Variants in ANKRD36C observed in about 807,000 individuals in gnomAD.
The protein encoded by ANKRD36C is ankyrin repeat domain-containing protein 36C.
Under a neutral mutation model 276.4 loss-of-function variants are expected in ANKRD36C, and 61 were observed. The ratio of observed to expected loss-of-function variants is 0.22; its 90% CI spans 0.18 to 0.27. The LOEUF (loss-of-function observed/expected upper bound fraction) is 0.27, where lower values mean the gene tolerates loss of function less well. Among genes scored for constraint, ANKRD36C ranks in the 10% least tolerant of loss-of-function variants. ANKRD36C has a pLI of 1.00. For synonymous variants in ANKRD36C, 483 were observed against 680.1 expected, an observed-to-expected ratio of 0.71 and a Z score of 4.51; for missense variants, 1,447 against 2,032.3, an observed-to-expected ratio of 0.71 and a Z score of 5.54.
chr2:95,925,139 A>G (rs1677369043), intron 30 of ANKRD36C, among the ~76,000 whole-genome samples: 1 of 151,494 alleles, frequency 6.6e-6, no homozygotes, highest in South Asian at 2.1e-4. Context: ...TTCCATCCAA[A>G]TTCAATGTAG....
intron 24 of ANKRD36C, among the ~76,000 whole-genome samples, chr2:95,932,677 A>G (rs1484624913): frequency 6.6e-6 from 1 of 152,216 alleles, no homozygotes; most frequent in African/African-American, 2.4e-5. Context: ...GGCTGTGTCT[A>G]CCAAAGAGTC....
At chr2:95,944,680 C>T (rs1343193052) in exon 19 of ANKRD36C, 1 of 1,537,042 alleles carries the variant, frequency 6.5e-7, no homozygotes, top group Admixed American at 2.0e-5. Context: ...TTGTCAATGC[C>T]ACATGCAGCA....
chr2:95,937,675 C>CGCATCAAAGAA (rs1351975646), intron 22 of ANKRD36C, among the ~76,000 whole-genome samples: 1 of 152,270 alleles, frequency 6.6e-6, no homozygotes, highest in African/African-American at 2.4e-5. Context: ...TTGGCCATTT[C>CGCATCAAAGAA]TTCTTTCCAA....
intron 47 of ANKRD36C, 46 bp from the exon 68 acceptor site, chr2:95,889,917 C>A: frequency 6.2e-7 from 1 of 1,608,716 alleles, no homozygotes; most frequent in South Asian, 1.1e-5. Flanking sequence ...AAGTATGTTT[C>A]ATAGACTATA....
chr2:95,913,638 C>G (rs1270985667), intron 40 of ANKRD36C, among the ~76,000 whole-genome samples: 1 of 151,444 alleles, frequency 6.6e-6, no homozygotes, highest in Non-Finnish European at 1.5e-5. Flanking sequence ...TCTTTTCACA[C>G]CTTCCTGCCT....
chr2:95,855,359 G>C (rs115953176), exon 63 of ANKRD36C: 1 of 1,612,888 alleles, frequency 6.2e-7, no homozygotes, highest in Non-Finnish European at 8.5e-7. Context: ...CTTCTAGTAA[G>C]AGACGGTGCT....
chr2:95,862,898 G>A (rs1476537766), intron 60 of ANKRD36C, among the ~76,000 whole-genome samples: 2 of 151,836 alleles, frequency 1.3e-5, no homozygotes, highest in Admixed American at 6.6e-5. Context: ...GAACTAGGAC[G>A]TGTTCCCTAA....
At chr2:95,967,637 G>A (rs1435306952) in intron 6 of ANKRD36C, among the ~76,000 whole-genome samples, 1 of 151,968 alleles carries the variant, frequency 6.6e-6, no homozygotes, top group East Asian at 1.9e-4. Flanking sequence ...CACATTACTG[G>A]GCATATACTC....
intron 44 of ANKRD36C, among the ~76,000 whole-genome samples, chr2:95,894,024 T>C (rs1336867899): frequency 1.3e-5 from 2 of 151,456 alleles, no homozygotes; most frequent in African/African-American, 2.4e-5. Context: ...ACAAATGTGA[T>C]CTAAAATCAG....
intron 1 of ANKRD36C, among the ~76,000 whole-genome samples, chr2:95,988,858 A>G (rs548697495): frequency 6.6e-6 from 1 of 152,210 alleles, no homozygotes; most frequent in South Asian, 2.1e-4. Flanking sequence ...TTCACAGAAT[A>G]TACCAATAAA....
chr2:95,944,724 G>A (rs1026346479), intron 18 of ANKRD36C, 30 bp from the exon 19 acceptor site: 1 of 1,532,934 alleles, frequency 6.5e-7, no homozygotes, highest in African/African-American at 1.4e-5. Flanking sequence ...AAGAGTAGAT[G>A]AAATGCATGT....
chr2:95,858,603 T>C (rs1383035234), intron 61 of ANKRD36C, among the ~76,000 whole-genome samples: 1 of 152,208 alleles, frequency 6.6e-6, no homozygotes, highest in Non-Finnish European at 1.5e-5. Flanking sequence ...TTACTTTTTA[T>C]AAACAAGTTG....
At chr2:95,860,925 C>T (rs1450899446) in intron 60 of ANKRD36C, among the ~76,000 whole-genome samples, 2 of 151,892 alleles carry the variant, frequency 1.3e-5, no homozygotes, top group Non-Finnish European at 2.9e-5. Flanking sequence ...AGGAAACTTC[C>T]TAAGAACAAT....
chr2:95,937,604 T>C (rs941327444), intron 22 of ANKRD36C, among the ~76,000 whole-genome samples: 1 of 147,802 alleles, frequency 6.8e-6, no homozygotes, highest in Admixed American at 6.6e-5. Flanking sequence ...TCCTAAACTG[T>C]GATTTGATCA....
At chr2:95,850,844 T>G (rs1450402565), downstream of ANKRD36C, among the ~76,000 whole-genome samples, 2 of 152,192 alleles carry the variant, frequency 1.3e-5, no homozygotes, top group Non-Finnish European at 2.9e-5. Context: ...TGACGATGCC[T>G]TTGTTTTGTG....
At chr2:95,873,150 C>G (rs572541688) in intron 59 of ANKRD36C, among the ~76,000 whole-genome samples, 1 of 152,154 alleles carries the variant, frequency 6.6e-6, no homozygotes, top group African/African-American at 2.4e-5. Flanking sequence ...AGAGGGAACC[C>G]TCCCTAACTC....
exon 30 of ANKRD36C, chr2:95,925,391 T>C (rs1677376044): frequency 6.4e-7 from 1 of 1,572,768 alleles, no homozygotes; most frequent in African/African-American, 1.4e-5. Context: ...CTTGTGGCAA[T>C]ATTCAAAAGA....
chr2:95,908,594 C>T lies in ANKRD36C; in HGVS notation c.2653+3650G>A, dbSNP rs71238343. ...TGTAGCCTGAATGGAATTTGAAATG[C>T]AATAATAAATTAATAAAGTATGTTT... On this transcript the variant is annotated intron_variant, in intron 42 of 66. Transcript: ENST00000456556. 2.6e-6 allele frequency: 4 copies of T among 1,561,132 alleles called. No individual in the cohort carries two copies. The highest frequency in any genetic ancestry group is 2.6e-6 in the Non-Finnish European group (3 of 1,149,084).
At chr2:95,885,248 A>C (rs1173722628) in intron 52 of ANKRD36C, among the ~76,000 whole-genome samples, 3 of 151,634 alleles carry the variant, frequency 2.0e-5, no homozygotes, top group African/African-American at 7.2e-5. Context: ...CTATTCTCTA[A>C]AGAAGTTTCA....
Sources: allele counts gnomAD v4.1 joint callset (sites outside exome capture counted in the v4.1 genomes callset), GRCh38; gene constraint gnomAD v4.1.1; transcripts MANE v1.5; gene names NCBI Gene and HGNC (gene_info 2026-07-23, HGNC 2026-07-21).